SVEP1: variants seen among roughly 807,000 people sequenced by gnomAD.
SVEP1 encodes sushi, von Willebrand factor type A, EGF and pentraxin domain-containing protein 1.
A neutral mutation model predicts 367.3 loss-of-function variants in SVEP1; 164 were observed. The ratio of observed to expected loss-of-function variants is 0.45; its 90% CI spans 0.39 to 0.51. The LOEUF (loss-of-function observed/expected upper bound fraction) is 0.51, where lower values mean the gene tolerates loss of function less well. Ranked by LOEUF, SVEP1 falls within the 20% of genes least tolerant of loss-of-function variation. The pLI, the probability that SVEP1 is intolerant of heterozygous loss-of-function variation, is 0.00. For missense variants in SVEP1, 4,117 were observed against 4,425.3 expected, an observed-to-expected ratio of 0.93 and a Z score of 1.98; for synonymous variants, 1,666 against 1,611.6, an observed-to-expected ratio of 1.03 and a Z score of -0.81.
At chr9:110,366,776 C>CTGAG (rs920277734) in intron 47 of SVEP1, among the ~76,000 whole-genome samples, 2 of 152,170 alleles carry the variant, frequency 1.3e-5, no homozygotes, top group African/African-American at 4.8e-5. Context: ...AGCATCAGAC[C>CTGAG]TGAGTTTTAC....
At chr9:110,488,062 G>C (rs977461403) in intron 9 of SVEP1, among the ~76,000 whole-genome samples, 1 of 152,188 alleles carries the variant, frequency 6.6e-6, no homozygotes, top group African/African-American at 2.4e-5. Flanking sequence ...TGAGGATGGA[G>C]AGAATGGGAC....
At chr9:110,398,796 T>C (rs77113511) in intron 40 of SVEP1, among the ~76,000 whole-genome samples, 30,827 of 152,156 alleles carry the variant, frequency 0.2, 3,326 homozygotes, top group East Asian at 0.34. Flanking sequence ...CACAATGAGA[T>C]GCCATCTCAC....
At chr9:110,540,739 T>TTCTAACAAATACC (rs1207402203) in intron 3 of SVEP1, among the ~76,000 whole-genome samples, 1 of 152,182 alleles carries the variant, frequency 6.6e-6, no homozygotes, top group Non-Finnish European at 1.5e-5. Context: ...TGTCAGTGAT[T>TTCTAACAAATACC]TCTAACAAAT....
At chr9:110,478,779 A>C (rs1309388235) in intron 13 of SVEP1, among the ~76,000 whole-genome samples, 4 of 152,230 alleles carry the variant, frequency 2.6e-5, no homozygotes, top group Non-Finnish European at 5.9e-5. Flanking sequence ...CGTGCTTGGC[A>C]TACAGTAAGC....
chr9:110,549,751 G>A lies in SVEP1; in HGVS notation c.787+98C>T, dbSNP rs1053990032. The A allele has an allele frequency of 1.6e-5, 24 of 1,472,092 alleles. No individual in the cohort carries two copies. The Admixed American group carries it at 4.6e-4, about 28-fold the overall frequency. The allele number at this position is 1,472,092 out of a possible 1,614,324, so 91.2% of individuals were successfully genotyped here. A position where few individuals can be genotyped will look rare whatever the true frequency, so the allele number is the denominator to read the frequency against. ...GGGCATCATATTCAGCAAAGACCTT[G>A]TGAGAGTTTGATATTACCCTCCCAT... On this transcript the variant is annotated intron_variant, in intron 2 of 47. Coordinates refer to ENST00000374469, the MANE Select transcript of SVEP1 (RefSeq NM_153366.4).
At chr9:110,455,467 C>T in intron 22 of SVEP1, 123 bp downstream of exon 22, 1 of 694,034 alleles carries the variant, frequency 1.4e-6, no homozygotes, top group Non-Finnish European at 2.3e-6. Flanking sequence ...AGAAAATATG[C>T]TTCTTCAATA....
intron 40 of SVEP1, among the ~76,000 whole-genome samples, chr9:110,397,745 G>T (rs538072071): frequency 6.6e-6 from 1 of 152,264 alleles, no homozygotes; most frequent in South Asian, 2.1e-4. Flanking sequence ...ATTCACAATT[G>T]CTTCAAAGGG....
At chr9:110,529,549 T>G (rs1829989716) in intron 3 of SVEP1, among the ~76,000 whole-genome samples, 1 of 152,180 alleles carries the variant, frequency 6.6e-6, no homozygotes, top group South Asian at 2.1e-4. Flanking sequence ...ATCAGTGTTT[T>G]GTAGTTCTCC....
intron 18 of SVEP1, among the ~76,000 whole-genome samples, chr9:110,459,942 G>A (rs950368392): frequency 2.0e-5 from 3 of 151,918 alleles, no homozygotes; most frequent in African/African-American, 7.2e-5. Context: ...TTAAGAATAT[G>A]AATCATTTGA....
In SVEP1 at chr9:110,434,402, C is replaced by T. The variant is rs754568378; in HGVS notation, c.4993G>A (p.Val1665Ile). The stretch of plus-strand genomic sequence containing the variant: ...AGACAGTACTGCACAGGGTTCCCGA[C>T]CAGCTGGAAGCCTGGATCACAGAAC... ...NLFCDPGFQL[V>I]GNPVQYCLNQ... The change falls in exon 30 of 48, where the codon GTC becomes ATC. Residue 1665 changes from valine to isoleucine, a missense_variant. Physicochemically the swap from Val to Ile is conservative, Grantham distance 29. This residue lies in a region of SVEP1 where 2,174 missense variants were observed against 2,494.3 expected (regional missense o/e 0.87). Coordinates refer to ENST00000374469, the MANE Select transcript of SVEP1 (RefSeq NM_153366.4). 3.1e-6 allele frequency: 5 copies of T among 1,613,278 alleles called. No homozygotes were observed. In the South Asian group the frequency reaches 3.3e-5, roughly 11 times the overall value.
intron 27 of SVEP1, chr9:110,442,907 TAGTC>T (rs1378733200): frequency 2.0e-5 from 3 of 152,202 alleles, no homozygotes; most frequent in African/African-American, 2.4e-5. Flanking sequence ...TAGAATGTAT[TAGTC>T]AGTTTCTAAT....
chr9:110,402,021 A>G (rs994778979), intron 39 of SVEP1, among the ~76,000 whole-genome samples: 17 of 152,080 alleles, frequency 1.1e-4, no homozygotes, highest in Admixed American at 8.5e-4. Flanking sequence ...TAATTTTTCA[A>G]TATTGTAAGT....
chr9:110,389,411 T>C (rs1827588604), intron 41 of SVEP1, 113 bp downstream of exon 41: 3 of 1,276,246 alleles, frequency 2.4e-6, no homozygotes, highest in Admixed American at 2.2e-5. Context: ...ATATGGCTTA[T>C]GGAGTTGGCT....
intron 14 of SVEP1, among the ~76,000 whole-genome samples, chr9:110,475,523 T>A (rs1829085956): frequency 6.8e-6 from 1 of 148,024 alleles, no homozygotes; most frequent in Admixed American, 7.0e-5. Context: ...GATAACAATA[T>A]CATTATTATT....
At chr9:110,414,272 C>T (rs1288055247) in intron 36 of SVEP1, among the ~76,000 whole-genome samples, 4 of 151,934 alleles carry the variant, frequency 2.6e-5, no homozygotes, top group East Asian at 3.9e-4. Flanking sequence ...ATTCCTTCAT[C>T]CTAACTGACA....
intron 5 of SVEP1, among the ~76,000 whole-genome samples, chr9:110,508,980 T>C (rs1829669727): frequency 6.6e-6 from 1 of 152,134 alleles, no homozygotes; most frequent in African/African-American, 2.4e-5. Flanking sequence ...CTTACACATA[T>C]TTTTGAGAAA....
intron 39 of SVEP1, 123 bp downstream of exon 39, chr9:110,404,204 C>T (rs1827916616): frequency 1.1e-6 from 1 of 924,824 alleles, no homozygotes; most frequent in East Asian, 2.4e-5. Context: ...CTTTTCAAAT[C>T]CTTTGAAATG....
rs769961216 is a variant in SVEP1, at chr9:110,513,014, T to C, written c.1215A>G (p.Arg405=). 6.2e-7 allele frequency: 1 copy of C among 1,614,004 alleles called. No homozygotes were observed. The highest frequency in any genetic ancestry group is 2.2e-5 in the East Asian group (1 of 44,884). ...CCACAAGATCAAATCCAGGGTGACATCGGACCCCACAGGCTGCATTGAAGT... is the reference window on the plus strand; with the variant it reads ...CCACAAGATCAAATCCAGGGTGACACCGGACCCCACAGGCTGCATTGAAGT... ...NNHFNAACGV[R]CHPGFDLVGS... is the part of the protein sequence containing the mutation. The change falls in exon 5 of 48, where the codon CGA becomes CGG. Residue 405 remains arginine (R), a synonymous_variant. Coordinates refer to ENST00000374469, the MANE Select transcript of SVEP1 (RefSeq NM_153366.4).
intron 1 of SVEP1, among the ~76,000 whole-genome samples, chr9:110,555,427 G>A (rs1320103448): frequency 6.6e-6 from 1 of 152,118 alleles, no homozygotes; most frequent in African/African-American, 2.4e-5. Flanking sequence ...ACGTGTGTAT[G>A]TTTTGTATAG....
Sources: gnomAD v4.1 joint callset for allele counts (sites outside exome capture counted in the v4.1 genomes callset) on GRCh38, gnomAD v4.1.1 for gene constraint, gnomAD v4.1.1 regional missense constraint, MANE v1.5 for transcripts, NCBI Gene and HGNC (gene_info 2026-07-23, HGNC 2026-07-21) for gene names.